The following EYA1 variants were observed in gnomAD, a reference collection of about 807,000 sequenced individuals.
EYA1 encodes the protein protein phosphatase EYA1.
A neutral mutation model predicts 82.0 loss-of-function variants in EYA1; 16 were observed. The ratio of observed to expected loss-of-function variants is 0.20; its 90% CI spans 0.13 to 0.30. The LOEUF is 0.30. Ranked by LOEUF, EYA1 falls within the 10% of genes least tolerant of loss-of-function variation. The probability of loss-of-function intolerance (pLI) is 1.00; values close to 1 mark genes in which losing one functional copy is unlikely to be tolerated. For missense variants in EYA1, 633 were observed against 730.7 expected (o/e 0.87, Z 1.54); for synonymous variants, 261 against 264.4 (o/e 0.99, Z 0.12).
chr8:71,530,459 TA>T (rs1814173260), intron 2 of EYA1, among the ~76,000 whole-genome samples: 1 of 152,234 alleles, frequency 6.6e-6, no homozygotes, highest in South Asian at 2.1e-4. Flanking sequence ...AGGCTTCTAA[TA>T]AAGATGCTCG....
chr8:71,496,065 T>C (rs978837107), intron 2 of EYA1, among the ~76,000 whole-genome samples: 1 of 152,224 alleles, frequency 6.6e-6, no homozygotes, highest in African/African-American at 2.4e-5. Flanking sequence ...CAGATTAACT[T>C]TTTTAAAAAA....
At chr8:71,489,685 C>T (rs1262640394) in intron 2 of EYA1, among the ~76,000 whole-genome samples, 1 of 152,220 alleles carries the variant, frequency 6.6e-6, no homozygotes, top group Non-Finnish European at 1.5e-5. Flanking sequence ...TGGTACAGAA[C>T]ATGAACACAT....
At chr8:71,332,143 A>G (rs1255260033) in intron 4 of EYA1, among the ~76,000 whole-genome samples, 4 of 152,156 alleles carry the variant, frequency 2.6e-5, no homozygotes, top group Non-Finnish European at 4.4e-5. Flanking sequence ...GTGAACCACC[A>G]TGCCTGGCCA....
intron 3 of EYA1, among the ~76,000 whole-genome samples, chr8:71,349,657 A>T (rs1187208187): frequency 1.3e-5 from 2 of 152,198 alleles, no homozygotes; most frequent in Non-Finnish European, 2.9e-5. Context: ...TGCAAATTCT[A>T]TGTTACGTCC....
chr8:71,255,617 A>G (rs534594582), intron 11 of EYA1, among the ~76,000 whole-genome samples: 1 of 152,352 alleles, frequency 6.6e-6, no homozygotes, highest in South Asian at 2.1e-4. Context: ...AAAAACCTAA[A>G]TGAAAGACCT....
rs1828219354 is a variant in EYA1 at position 71,373,865 on chromosome 8, A to G, written c.34-17354T>C. ...ATGTGGTCAAATAATTTTCAACAAG[A>G]CCACCAATAAGACCAATAAGGAAAG... is the stretch of plus-strand genomic sequence containing the variant. On this transcript the variant is annotated intron_variant, in intron 2 of 18. Transcript: ENST00000643681. Among the ~76,000 whole-genome samples the G allele has an allele frequency of 3.3e-5, 5 of 152,122 alleles. No individual in the cohort carries two copies. The South Asian group carries it at 1.0e-3, about 31-fold the overall frequency.
intron 2 of EYA1, among the ~76,000 whole-genome samples, chr8:71,492,464 TA>T (rs1002509920): frequency 3.3e-5 from 4 of 120,866 alleles, no homozygotes; most frequent in African/African-American, 1.3e-4. Flanking sequence ...ATTTATTTAT[TA>T]TTATTTTTTT....
At chr8:71,298,751 C>CATTTA (rs1819860975) in intron 9 of EYA1, among the ~76,000 whole-genome samples, 2 of 152,066 alleles carry the variant, frequency 1.3e-5, no homozygotes, top group Non-Finnish European at 2.9e-5. Context: ...ATAGTTATAG[C>CATTTA]TAAGTATTTA....
intron 12 of EYA1, among the ~76,000 whole-genome samples, chr8:71,241,034 T>C (rs771584054): frequency 6.6e-6 from 1 of 152,176 alleles, no homozygotes; most frequent in Non-Finnish European, 1.5e-5. Context: ...TAAAATGATA[T>C]GCAGGACGTT....
At chr8:71,325,551 A>G (rs1004480726) in intron 4 of EYA1, among the ~76,000 whole-genome samples, 1 of 152,220 alleles carries the variant, frequency 6.6e-6, no homozygotes, top group Admixed American at 6.5e-5. Flanking sequence ...GGTCATAAGC[A>G]AAGTAGATGT....
At chr8:71,234,850 T>C (rs1172540180) in intron 12 of EYA1, among the ~76,000 whole-genome samples, 1 of 152,124 alleles carries the variant, frequency 6.6e-6, no homozygotes, top group Non-Finnish European at 1.5e-5. Flanking sequence ...TTGACTTGGA[T>C]GTTGAATATG....
At chr8:71,491,362 A>G (rs1339743347) in intron 2 of EYA1, among the ~76,000 whole-genome samples, 1 of 152,226 alleles carries the variant, frequency 6.6e-6, no homozygotes, top group Non-Finnish European at 1.5e-5. Flanking sequence ...TGATAGGGCT[A>G]CAGAGAAGAG....
intron 2 of EYA1, among the ~76,000 whole-genome samples, chr8:71,490,480 TA>T (rs1290082789): frequency 2.6e-5 from 4 of 152,146 alleles, no homozygotes; most frequent in African/African-American, 4.8e-5. Context: ...TTTAATAAAA[TA>T]AGTAGAAAAT....
chr8:71,226,874 T>C (rs1025749817), intron 12 of EYA1, among the ~76,000 whole-genome samples: 141 of 152,078 alleles, frequency 9.3e-4, no homozygotes, highest in Middle Eastern at 3.4e-3. Flanking sequence ...ACCGCTGACA[T>C]TGTACACAAA....
chr8:71,203,160 A>G lies in EYA1; in HGVS notation c.1699-3740T>C, dbSNP rs527248868. Among the ~76,000 whole-genome samples, 4 of 152,258 alleles carry G rather than the reference A, an allele frequency of 2.6e-5. No homozygotes were observed. The South Asian group carries it at 6.2e-4, about 24-fold the overall frequency. On this transcript the variant is annotated intron_variant, in intron 17 of 17. Transcript: ENST00000340726. ...TTTGACATTAGCTATGTGACCTTCA[A>G]TTATGGCACAGTCTGCCTGAAGCCC...
chr8:71,463,803 G>A (rs577108852), intron 2 of EYA1, among the ~76,000 whole-genome samples: 2 of 151,972 alleles, frequency 1.3e-5, no homozygotes, highest in Non-Finnish European at 2.9e-5. Context: ...CCCTTGGACC[G>A]TTGCTGAATT....
chr8:71,361,912 AGTG>A lies in EYA1; in HGVS notation c.-323_-321del, dbSNP rs1586549247. 4 of 985,476 alleles carry A rather than the reference AGTG, an allele frequency of 4.1e-6. No individual in the cohort carries two copies. The highest frequency in any genetic ancestry group is 4.8e-6 in the Non-Finnish European group (4 of 829,968). 61.0% of individuals were successfully genotyped at this position (985,476 alleles called of 1,614,324 possible). On this transcript the variant is annotated 5_prime_UTR_variant, in exon 1 of 18. Transcript: ENST00000340726. ...TGTTCCCCAGGAAGAAACCCGCCAC[AGTG>A]GACGGCAACAGGAAGGCTTAAAGTC...
intron 2 of EYA1, among the ~76,000 whole-genome samples, chr8:71,406,731 G>A (rs1410081624): frequency 6.6e-6 from 1 of 151,694 alleles, no homozygotes; most frequent in Admixed American, 6.6e-5. Flanking sequence ...CTACGCCCAC[G>A]GAATCTCGCT....
At chr8:71,346,104 A>AATATTCTCC (rs1825673460) in intron 3 of EYA1, among the ~76,000 whole-genome samples, 11 of 152,004 alleles carry the variant, frequency 7.2e-5, no homozygotes, top group Admixed American at 6.6e-5. Flanking sequence ...TCTTCCTGGC[A>AATATTCTCC]TGGCACTCAA....
Sources: allele counts gnomAD v4.1 joint callset (sites outside exome capture counted in the v4.1 genomes callset), GRCh38; gene constraint gnomAD v4.1.1; transcripts MANE v1.5; gene names NCBI Gene and HGNC (gene_info 2026-07-23, HGNC 2026-07-21).